Variants in ANKS1B observed in about 807,000 individuals in gnomAD.
ANKS1B encodes the protein ankyrin repeat and sterile alpha motif domain containing 1B.
A neutral mutation model predicts 148.3 loss-of-function variants in ANKS1B; 36 were observed. The ratio of observed to expected loss-of-function variants is 0.24; its 90% CI spans 0.19 to 0.32. ANKS1B has a LOEUF of 0.32. Ranked by LOEUF, ANKS1B falls within the 10% of genes least tolerant of loss-of-function variation. ANKS1B has a pLI of 1.00. For missense variants in ANKS1B, 1,157 were observed against 1,542.6 expected, an observed-to-expected ratio of 0.75 and a Z score of 4.19; for synonymous variants, 542 against 560.8, an observed-to-expected ratio of 0.97 and a Z score of 0.47.
rs372646110 is a variant in ANKS1B, at chr12:99,464,723, C to A, written c.1439-20914G>T. ...GAAGATGAAATGAATGAAATGAAGC[C>A]AGAAGGGAAGTTTAGAGAAAAAAGA... On this transcript the variant is annotated intron_variant, in intron 10 of 26. Transcript: ENST00000683438. Among the ~76,000 whole-genome samples the A allele has an allele frequency of 5.9e-5, 9 of 152,080 alleles. No individual in the cohort carries two copies. In the South Asian group the frequency reaches 1.7e-3, roughly 28 times the overall value.
chr12:99,759,995 A>G (rs1478987641), intron 8 of ANKS1B, among the ~76,000 whole-genome samples: 1 of 151,754 alleles, frequency 6.6e-6, no homozygotes, highest in Non-Finnish European at 1.5e-5. Flanking sequence ...ATATCTGAAG[A>G]GTATATAAAA....
chr12:99,566,896 T>C (rs1240769135), intron 9 of ANKS1B, among the ~76,000 whole-genome samples: 2 of 152,244 alleles, frequency 1.3e-5, no homozygotes, highest in African/African-American at 4.8e-5. Flanking sequence ...AAACATTTCC[T>C]AGCCTTTGTC....
intron 3 of ANKS1B, among the ~76,000 whole-genome samples, chr12:99,810,335 T>C (rs2068184079): frequency 6.6e-6 from 1 of 152,024 alleles, no homozygotes; most frequent in Non-Finnish European, 1.5e-5. Context: ...ACCATTTTTA[T>C]TTCCTTTATT....
intron 8 of ANKS1B, among the ~76,000 whole-genome samples, chr12:99,683,482 A>C (rs2098632732): frequency 6.6e-6 from 1 of 152,074 alleles, no homozygotes; most frequent in Non-Finnish European, 1.5e-5. Context: ...TTAAAATGAT[A>C]ATAACAAATC....
intron 15 of ANKS1B, among the ~76,000 whole-genome samples, chr12:99,139,471 T>C: frequency 8.8e-6 from 1 of 113,730 alleles, no homozygotes; most frequent in Non-Finnish European, 1.7e-5. Flanking sequence ...AAGATAGGAG[T>C]CTCACTGTGT....
At chr12:99,761,616 C>T (rs1322390798) in intron 8 of ANKS1B, among the ~76,000 whole-genome samples, 1 of 152,038 alleles carries the variant, frequency 6.6e-6, no homozygotes, top group African/African-American at 2.4e-5. Context: ...AAACTAGAAG[C>T]ATTTTCCTTA....
At position 98,745,599 on chromosome 12, in the gene ANKS1B, A is replaced by C; in HGVS notation, c.*140T>G. On this transcript the variant is annotated 3_prime_UTR_variant, in exon 27 of 27. Coordinates refer to ENST00000683438, the MANE Select transcript of ANKS1B (RefSeq NM_001352186.2). ...AGAAAGAACTTCCCCAGGAATGGCCAGTGGCCTTTCGCCCGTAACAAGGCC... is the reference window on the plus strand; with the variant it reads ...AGAAAGAACTTCCCCAGGAATGGCCCGTGGCCTTTCGCCCGTAACAAGGCC... 2 of 1,425,492 alleles carry C rather than the reference A, an allele frequency of 1.4e-6. No homozygotes were observed. Among genetic ancestry groups the C allele is most frequent in the Non-Finnish European group, 1.8e-6 (2 of 1,086,842 alleles). The allele number at this position is 1,425,492 out of a possible 1,614,324, so 88.3% of individuals were successfully genotyped here. A position where few individuals can be genotyped will look rare whatever the true frequency, so the allele number is the denominator to read the frequency against.
chr12:99,739,454 C>T (rs1281915768), intron 8 of ANKS1B, among the ~76,000 whole-genome samples: 2 of 151,844 alleles, frequency 1.3e-5, no homozygotes, highest in Non-Finnish European at 2.9e-5. Context: ...AATCCTGACT[C>T]CAGGGACTAA....
At chr12:99,825,049 G>C (rs2083005529) in intron 2 of ANKS1B, among the ~76,000 whole-genome samples, 1 of 152,082 alleles carries the variant, frequency 6.6e-6, no homozygotes, top group Non-Finnish European at 1.5e-5. Context: ...TGACTAGCAT[G>C]GTCCTGTCAA....
At chr12:98,992,393 C>A (rs1013852785) in intron 17 of ANKS1B, among the ~76,000 whole-genome samples, 5 of 152,100 alleles carry the variant, frequency 3.3e-5, no homozygotes, top group Admixed American at 2.0e-4. Flanking sequence ...GACCTGTAAT[C>A]CCCATGTGTC....
At chr12:99,131,436 G>C (rs1487872838) in intron 15 of ANKS1B, among the ~76,000 whole-genome samples, 1 of 152,190 alleles carries the variant, frequency 6.6e-6, no homozygotes, top group African/African-American at 2.4e-5. Context: ...GACAAAGTCT[G>C]AGGGTCCCAG....
chr12:99,377,437 A>G (rs1036829041), intron 12 of ANKS1B, among the ~76,000 whole-genome samples: 2 of 152,198 alleles, frequency 1.3e-5, no homozygotes, highest in Admixed American at 6.5e-5. Flanking sequence ...CATTGTAGAC[A>G]GTTTTATTTC....
At chr12:99,968,435 G>A (rs1447340397) in intron 1 of ANKS1B, among the ~76,000 whole-genome samples, 1 of 152,170 alleles carries the variant, frequency 6.6e-6, no homozygotes, top group Non-Finnish European at 1.5e-5. Context: ...GCGGGCGCCT[G>A]TAGTCCCGGC....
Position 99,246,590 on chromosome 12 carries a change from T to A in ANKS1B, c.2031A>T (p.Lys677Asn). 1 of 1,613,646 alleles carries A rather than the reference T, an allele frequency of 6.2e-7. No individual in the cohort carries two copies. The stretch of plus-strand genomic sequence containing the variant: ...TGGTATGGTTTTCGAGTTGGTTGCT[T>A]TTTTTGTGAAAAATTGTTCTACTGA... ...KVVSRTIFHK[K>N]SNQLENHTIV... The change falls in exon 13 of 27, where the codon AAA becomes AAT. Residue 677 changes from lysine (K) to asparagine (N), a missense_variant. By Grantham distance (94) the Lys-to-Asn change is moderately conservative. This residue lies in a region of ANKS1B where 661 missense variants were observed against 642.1 expected (regional missense o/e 1.03). Transcript: ENST00000683438.
intron 15 of ANKS1B, 46 bp downstream of exon 15, chr12:99,154,242 GC>G (rs751338610): frequency 6.2e-7 from 1 of 1,607,998 alleles, no homozygotes; most frequent in Admixed American, 1.7e-5. Flanking sequence ...CACATAAGAA[GC>G]AAAGACAGAC....
chr12:99,928,271 A>ATTTTTAT (rs1555250565), intron 1 of ANKS1B, among the ~76,000 whole-genome samples: 5 of 99,068 alleles, frequency 5.0e-5, no homozygotes, highest in African/African-American at 2.1e-4. Flanking sequence ...ATTTTATTTT[A>ATTTTTAT]TTTTTTTTTT....
At chr12:99,520,109 C>A (rs1161707598) in intron 9 of ANKS1B, among the ~76,000 whole-genome samples, 1 of 152,182 alleles carries the variant, frequency 6.6e-6, no homozygotes, top group African/African-American at 2.4e-5. Context: ...TTACATGCCA[C>A]AATTACAGTG....
intron 8 of ANKS1B, among the ~76,000 whole-genome samples, chr12:99,726,121 C>T (rs1246015770): frequency 6.6e-6 from 1 of 151,898 alleles, no homozygotes; most frequent in Non-Finnish European, 1.5e-5. Context: ...TAGCAGAAGA[C>T]AAGAAATAAC....
chr12:99,666,645 G>A (rs1204134128), intron 8 of ANKS1B, among the ~76,000 whole-genome samples: 1 of 152,034 alleles, frequency 6.6e-6, no homozygotes, highest in Non-Finnish European at 1.5e-5. Flanking sequence ...ATATGAAGGG[G>A]TAAACACACG....
Sources: allele counts gnomAD v4.1 joint callset (sites outside exome capture counted in the v4.1 genomes callset), GRCh38; gene constraint gnomAD v4.1.1; regional missense constraint gnomAD v4.1.1; transcripts MANE v1.5; gene names NCBI Gene and HGNC (gene_info 2026-07-23, HGNC 2026-07-21).